Variants in UBTD2 observed in about 807,000 individuals in gnomAD.
UBTD2 encodes the protein ubiquitin domain containing 2.
A neutral mutation model predicts 19.8 loss-of-function variants in UBTD2; 9 were observed. The observed-to-expected ratio is 0.46, with a 90% CI of 0.27 to 0.79. UBTD2 has a LOEUF of 0.79. UBTD2 is among the 30% of genes least tolerant of loss of function. The pLI is 0.14. For synonymous variants in UBTD2, 98 were observed against 103.9 expected, an observed-to-expected ratio of 0.94 and a Z score of 0.35; for missense variants, 250 against 300.4, an observed-to-expected ratio of 0.83 and a Z score of 1.24.
chr5:172,251,314 C>CAAAAAAAAAAAAAGAAAAAAA (rs57577423), intron 1 of UBTD2, among the ~76,000 whole-genome samples: 1 of 118,216 alleles, frequency 8.5e-6, no homozygotes, highest in African/African-American at 3.4e-5. Flanking sequence ...GAGCCTATCT[C>CAAAAAAAAAAAAAGAAAAAAA]AAAAAAAAAA....
In UBTD2 at chr5:172,278,536, C is replaced by T. The variant is rs537944231; in HGVS notation, c.70+5060G>A. Among the ~76,000 whole-genome samples the T allele has an allele frequency of 4.8e-5, 7 of 146,980 alleles. No homozygotes were observed. In the South Asian group the frequency reaches 6.4e-4, roughly 13 times the overall value. On this transcript the variant is annotated intron_variant, in intron 1 of 2. Transcript: ENST00000393792. ...GCCTCAGGGGAAAAAAAAAAAAAAG[C>T]GGTATATACATACAATGGAATATTA... is the stretch of plus-strand genomic sequence containing the variant.
intron 2 of UBTD2, among the ~76,000 whole-genome samples, chr5:172,213,873 G>A (rs2113870844): frequency 6.6e-6 from 1 of 151,964 alleles, no homozygotes; most frequent in East Asian, 1.9e-4. Context: ...CACAACCTCC[G>A]CCTCCTGGGT....
intron 1 of UBTD2, among the ~76,000 whole-genome samples, chr5:172,270,571 G>A (rs1292159055): frequency 1.3e-5 from 2 of 151,978 alleles, no homozygotes; most frequent in East Asian, 1.9e-4. Context: ...GGCTGGGATG[G>A]TCTCAATCTC....
chr5:172,216,591 CAAAAAAAAAAAAAAA>C (rs57657254), intron 2 of UBTD2, among the ~76,000 whole-genome samples: 25 of 36,924 alleles, frequency 6.8e-4, no homozygotes, highest in African/African-American at 1.3e-3. Flanking sequence ...CATCTCTACC[CAAAAAAAAAAAAAAA>C]AAAAAAAAAA....
chr5:172,270,184 G>C (rs1488408246), intron 1 of UBTD2, among the ~76,000 whole-genome samples: 1 of 151,712 alleles, frequency 6.6e-6, no homozygotes, highest in African/African-American at 2.4e-5. Flanking sequence ...GGCTCAAACA[G>C]ATCCTCCCAT....
At position 172,252,637 on chromosome 5, in the gene UBTD2, G is replaced by C. The variant is rs1435334718; in HGVS notation, c.71-18279C>G. Among the ~76,000 whole-genome samples, 4 of 152,218 alleles carry C rather than the reference G, an allele frequency of 2.6e-5. No homozygotes were observed. In the East Asian group the frequency reaches 7.7e-4, roughly 29 times the overall value. ...GTACAAAGGACTCTTTCTTCAAGGTGGTCTCCCTCTTCTATCTGAAGTTTC... is the reference window on the plus strand; with the variant it reads ...GTACAAAGGACTCTTTCTTCAAGGTCGTCTCCCTCTTCTATCTGAAGTTTC... On this transcript the variant is annotated intron_variant, in intron 1 of 2. Transcript: ENST00000393792.
Position 172,234,905 on chromosome 5 carries a change from C to CAAACA in UBTD2, c.71-552_71-548dup, listed in dbSNP as rs998339377. ...CCTGGGCGAGAGTGAAACCTCATCT[C>CAAACA]AAACAAAACAAAACAAAACTAAAGA... On this transcript the variant is annotated intron_variant, in intron 1 of 2. Transcript: ENST00000393792. Among the ~76,000 whole-genome samples the CAAACA allele has an allele frequency of 3.7e-5, 5 of 135,660 alleles. No individual in the cohort carries two copies. In the East Asian group the frequency reaches 6.7e-4, roughly 18 times the overall value. 89.0% of individuals were successfully genotyped at this position (135,660 alleles called of 152,430 possible).
chr5:172,258,382 G>C (rs1406640577), intron 1 of UBTD2, among the ~76,000 whole-genome samples: 1 of 152,152 alleles, frequency 6.6e-6, no homozygotes, highest in African/African-American at 2.4e-5. Context: ...TGCTGTTTTG[G>C]TTACTGTAGC....
intron 1 of UBTD2, among the ~76,000 whole-genome samples, chr5:172,268,138 A>G (rs1204907112): frequency 3.9e-5 from 6 of 152,226 alleles, no homozygotes; most frequent in Non-Finnish European, 7.3e-5. Flanking sequence ...TTGTGCGAAG[A>G]TAAGTAATGT....
At chr5:172,278,109 T>C (rs750424146) in intron 1 of UBTD2, among the ~76,000 whole-genome samples, 46 of 152,092 alleles carry the variant, frequency 3.0e-4, no homozygotes, top group Non-Finnish European at 5.3e-4. Context: ...AATCTGGTAG[T>C]TTCTCAAAAA....
At chr5:172,230,281 T>C (rs919165497) in intron 2 of UBTD2, among the ~76,000 whole-genome samples, 20 of 152,200 alleles carry the variant, frequency 1.3e-4, no homozygotes, top group African/African-American at 4.8e-4. Context: ...AAAAGTGTAA[T>C]GTTATTTTGT....
At chr5:172,223,617 A>AAAAAAAAAAAAAAAG (rs1561850764) in intron 2 of UBTD2, among the ~76,000 whole-genome samples, 1 of 129,412 alleles carries the variant, frequency 7.7e-6, no homozygotes, top group African/African-American at 3.0e-5. Context: ...AAAAAAAAAA[A>AAAAAAAAAAAAAAAG]GCACACTTAG....
At chr5:172,218,790 T>A (rs199518479) in intron 2 of UBTD2, among the ~76,000 whole-genome samples, 1,701 of 48,392 alleles carry the variant, frequency 0.035, 2 homozygotes, top group East Asian at 0.047. Context: ...AAAAAAAAAA[T>A]AAAAAAATAA....
At chr5:172,240,089 T>G (rs1006937426) in intron 1 of UBTD2, among the ~76,000 whole-genome samples, 1 of 152,206 alleles carries the variant, frequency 6.6e-6, no homozygotes, top group Non-Finnish European at 1.5e-5. Flanking sequence ...GGCTTCACTA[T>G]GGCCAATGGA....
intron 1 of UBTD2, among the ~76,000 whole-genome samples, chr5:172,235,777 G>A (rs913565152): frequency 6.6e-6 from 1 of 152,112 alleles, no homozygotes; most frequent in Non-Finnish European, 1.5e-5. Context: ...AGATTATACA[G>A]TGCTATAGAT....
At chr5:172,254,475 T>C in intron 1 of UBTD2, 2 of 514,324 alleles carry the variant, frequency 3.9e-6, no homozygotes, top group Middle Eastern at 3.4e-4. Flanking sequence ...GATTCCAGTA[T>C]GTTTTCCTAA....
chr5:172,244,046 C>G (rs1772186770), intron 1 of UBTD2, among the ~76,000 whole-genome samples: 1 of 151,910 alleles, frequency 6.6e-6, no homozygotes, highest in African/African-American at 2.4e-5. Flanking sequence ...GATCTAGTTG[C>G]AACGTTCTAT....
intron 1 of UBTD2, among the ~76,000 whole-genome samples, chr5:172,245,233 A>C (rs1038936661): frequency 9.2e-5 from 14 of 152,234 alleles, no homozygotes; most frequent in African/African-American, 3.1e-4. Flanking sequence ...ACCATCTGGC[A>C]GTGCTGGCAG....
At chr5:172,268,166 A>G (rs1425004782) in intron 1 of UBTD2, among the ~76,000 whole-genome samples, 1 of 152,190 alleles carries the variant, frequency 6.6e-6, no homozygotes. Flanking sequence ...TAGCCATGAT[A>G]GAAGTTTTTT....
Sources: gnomAD v4.1 joint callset for allele counts (sites outside exome capture counted in the v4.1 genomes callset) on GRCh38, gnomAD v4.1.1 for gene constraint, MANE v1.5 for transcripts, NCBI Gene and HGNC (gene_info 2026-07-23, HGNC 2026-07-21) for gene names.